SHANK2: variants seen among roughly 807,000 people sequenced by gnomAD.
SHANK2 encodes SH3 and multiple ankyrin repeat domains 2, also known as SH3 and multiple ankyrin repeat domains protein 2.
A neutral mutation model predicts 133.7 loss-of-function variants in SHANK2; 43 were observed. The observed-to-expected ratio is 0.32, with a 90% confidence interval of 0.25 to 0.41. The LOEUF (loss-of-function observed/expected upper bound fraction) is 0.41. Among genes scored for constraint, SHANK2 ranks in the 10% least tolerant of loss-of-function variants. SHANK2 has a pLI of 1.00. For synonymous variants in SHANK2, 1,017 were observed against 952.8 expected, an observed-to-expected ratio of 1.07 and a Z score of -1.24; for missense variants, 1,994 against 2,235.8, an observed-to-expected ratio of 0.89 and a Z score of 2.18.
intron 17 of SHANK2, among the ~76,000 whole-genome samples, chr11:70,575,206 G>A (rs978286613): frequency 3.3e-5 from 5 of 152,142 alleles, no homozygotes; most frequent in Non-Finnish European, 2.9e-5. Context: ...GTCACCCAAC[G>A]GTGACTGTCA....
chr11:71,207,608 C>T (rs1565514939), intron 2 of SHANK2, among the ~76,000 whole-genome samples: 1 of 152,156 alleles, frequency 6.6e-6, no homozygotes, highest in African/African-American at 2.4e-5. Context: ...GGGAAATTAG[C>T]AAGTTTCTAA....
At chr11:71,199,703 A>T (rs1317413783) in intron 2 of SHANK2, among the ~76,000 whole-genome samples, 1 of 152,194 alleles carries the variant, frequency 6.6e-6, no homozygotes, top group East Asian at 1.9e-4. Flanking sequence ...GTCGTCAGGA[A>T]CCGTGGAAGG....
chr11:70,537,185 G>A (rs1282173384), intron 17 of SHANK2, among the ~76,000 whole-genome samples: 1 of 152,128 alleles, frequency 6.6e-6, no homozygotes, highest in East Asian at 1.9e-4. Flanking sequence ...GTCCCCAACA[G>A]CCCCTCCAGA....
chr11:71,153,862 T>TG (rs1555108571), intron 2 of SHANK2, among the ~76,000 whole-genome samples: 1 of 151,818 alleles, frequency 6.6e-6, no homozygotes, highest in African/African-American at 2.4e-5. Flanking sequence ...CCCAGCTACT[T>TG]GGGAGGCTAA....
chr11:70,606,653 T>A (rs550898574), intron 17 of SHANK2, among the ~76,000 whole-genome samples: 4 of 151,570 alleles, frequency 2.6e-5, no homozygotes, highest in Non-Finnish European at 2.9e-5. Context: ...CTCCTGGGCG[T>A]CTGTGTCTTT....
rs558670897 is a variant in SHANK2, at chr11:71,101,937, A to G, written c.593-7249T>C. On this transcript the variant is annotated intron_variant, in intron 6 of 25. Coordinates refer to ENST00000601538, the MANE Select transcript of SHANK2 (RefSeq NM_012309.5). Reference sequence around the variant, plus strand: ...ACCCTGGAAACAGATTCAGTAACTGAATCTCATCAGTGAGGTCCAGACACA... The same window carrying G: ...ACCCTGGAAACAGATTCAGTAACTGGATCTCATCAGTGAGGTCCAGACACA... Among the ~76,000 whole-genome samples, 6 of 152,308 alleles carry G rather than the reference A, an allele frequency of 3.9e-5. No individual in the cohort carries two copies. The South Asian group carries it at 1.2e-3, about 32-fold the overall frequency.
intron 15 of SHANK2, among the ~76,000 whole-genome samples, chr11:70,671,108 A>T (rs1234445431): frequency 6.6e-6 from 1 of 152,182 alleles, no homozygotes; most frequent in Non-Finnish European, 1.5e-5. Flanking sequence ...TTCAAATTAA[A>T]TTGTCTCATT....
At chr11:71,067,160 C>T (rs1435769259) in intron 9 of SHANK2, among the ~76,000 whole-genome samples, 1 of 152,200 alleles carries the variant, frequency 6.6e-6, no homozygotes, top group African/African-American at 2.4e-5. Context: ...ACGCCCAATG[C>T]TCAGGGGGCC....
At chr11:70,816,977 A>C (rs1948411957) in intron 12 of SHANK2, among the ~76,000 whole-genome samples, 1 of 152,212 alleles carries the variant, frequency 6.6e-6, no homozygotes, top group Non-Finnish European at 1.5e-5. Flanking sequence ...CTCCATAAGC[A>C]AACAATGTGC....
At position 71,061,928 on chromosome 11, in the gene SHANK2, C is replaced by T. The variant is rs1950991613; in HGVS notation, c.1030-5370G>A. Among the ~76,000 whole-genome samples, 4 of 152,040 alleles carry T rather than the reference C, an allele frequency of 2.6e-5. 1 individual carries two copies. Among genetic ancestry groups the T allele is most frequent in the Non-Finnish European group, 5.9e-5 (4 of 68,002 alleles). On this transcript the variant is annotated intron_variant, in intron 9 of 25. Transcript: ENST00000601538. ...CCCAAAATTTCCCGTCAAATCACCCCCAGTGGGATCCTGTTATTTCCAACT... is the reference window on the plus strand; with the variant it reads ...CCCAAAATTTCCCGTCAAATCACCCTCAGTGGGATCCTGTTATTTCCAACT...
At chr11:71,108,782 C>T (rs1951840680) in intron 6 of SHANK2, among the ~76,000 whole-genome samples, 1 of 152,230 alleles carries the variant, frequency 6.6e-6, no homozygotes, top group Non-Finnish European at 1.5e-5. Flanking sequence ...CTCCCAACGT[C>T]ACAGGCATCA....
At chr11:70,896,428 G>A in intron 11 of SHANK2, 73 bp downstream of exon 11, 1 of 651,382 alleles carries the variant, frequency 1.5e-6, no homozygotes, top group South Asian at 1.8e-5. Context: ...ATTTTAAAAA[G>A]CTGGTGAGTG....
intron 9 of SHANK2, among the ~76,000 whole-genome samples, chr11:71,065,064 G>A (rs1038214289): frequency 1.3e-4 from 20 of 152,130 alleles, no homozygotes; most frequent in Admixed American, 2.6e-4. Context: ...CCACAGAAAC[G>A]TTGAGCTGGA....
intron 8 of SHANK2, among the ~76,000 whole-genome samples, chr11:71,080,712 C>A (rs1022616495): frequency 2.1e-4 from 32 of 152,216 alleles, no homozygotes; most frequent in Non-Finnish European, 8.8e-5. Context: ...CTCACTGGGT[C>A]AGGAAGTGGG....
At chr11:70,722,769 C>T (rs1298879650) in intron 14 of SHANK2, among the ~76,000 whole-genome samples, 3 of 152,100 alleles carry the variant, frequency 2.0e-5, no homozygotes, top group Non-Finnish European at 4.4e-5. Flanking sequence ...CATAGTGTAC[C>T]TCGAAGGCTG....
chr11:70,663,291 A>T (rs781937659), intron 15 of SHANK2, among the ~76,000 whole-genome samples: 2 of 152,174 alleles, frequency 1.3e-5, no homozygotes, highest in Non-Finnish European at 2.9e-5. Context: ...CCCCAGGTGC[A>T]GCCAGCTGGT....
At chr11:70,871,058 A>G (rs1949452292) in intron 11 of SHANK2, among the ~76,000 whole-genome samples, 2 of 152,316 alleles carry the variant, frequency 1.3e-5, no homozygotes, top group Admixed American at 1.3e-4. Context: ...GATTATAAGC[A>G]TGAGCCACTG....
intron 15 of SHANK2, among the ~76,000 whole-genome samples, chr11:70,675,944 C>G (rs376946492): frequency 6.6e-6 from 1 of 152,238 alleles, no homozygotes; most frequent in East Asian, 1.9e-4. Context: ...TCTCAATGAA[C>G]TGGCAATGTG....
At chr11:71,125,389 C>T (rs1170521986) in intron 3 of SHANK2, among the ~76,000 whole-genome samples, 9 of 152,196 alleles carry the variant, frequency 5.9e-5, no homozygotes, top group African/African-American at 1.9e-4. Flanking sequence ...AGTGAACACA[C>T]AAATGGTAAG....
Sources: allele counts gnomAD v4.1 joint callset (sites outside exome capture counted in the v4.1 genomes callset), GRCh38; gene constraint gnomAD v4.1.1; transcripts MANE v1.5; gene names NCBI Gene and HGNC (gene_info 2026-07-23, HGNC 2026-07-21).